GPR158: variants seen among roughly 807,000 people sequenced by gnomAD.
The protein encoded by GPR158 is metabotropic glycine receptor.
In GPR158, 30 loss-of-function variants were observed where a neutral mutation model predicts 78.2. The observed-to-expected ratio is 0.38, with a 90% CI of 0.29 to 0.52. GPR158 has a LOEUF of 0.52. Ranked by LOEUF, GPR158 falls within the 20% of genes least tolerant of loss-of-function variation. GPR158 has a pLI of 0.83. For synonymous variants in GPR158, 581 were observed against 591.1 expected (o/e 0.98, Z 0.25); for missense variants, 1,463 against 1,523.5 (o/e 0.96, Z 0.66).
intron 7 of GPR158, among the ~76,000 whole-genome samples, chr10:25,574,976 A>G (rs186966563): frequency 3.3e-5 from 5 of 151,944 alleles, no homozygotes; most frequent in Admixed American, 1.3e-4. Context: ...CTGAGGTGTG[A>G]GAATTGCTTG....
At chr10:25,231,644 G>C (rs919407396) in intron 2 of GPR158, among the ~76,000 whole-genome samples, 2 of 152,086 alleles carry the variant, frequency 1.3e-5, no homozygotes, top group Admixed American at 1.3e-4. Flanking sequence ...CGTTATCTGG[G>C]CATCAATTAA....
chr10:25,362,026 T>G (rs950934801), intron 2 of GPR158, among the ~76,000 whole-genome samples: 1 of 151,902 alleles, frequency 6.6e-6, no homozygotes, highest in African/African-American at 2.4e-5. Flanking sequence ...AGCTTTTGGT[T>G]TCCTGTTAAA....
At chr10:25,202,268 A>G (rs1035215651) in intron 1 of GPR158, among the ~76,000 whole-genome samples, 2 of 151,554 alleles carry the variant, frequency 1.3e-5, no homozygotes, top group African/African-American at 2.4e-5. Context: ...ATTTTTTTTT[A>G]TACTTTAAGT....
chr10:25,477,360 C>A (rs542828690), intron 5 of GPR158, among the ~76,000 whole-genome samples: 137 of 152,232 alleles, frequency 9.0e-4, no homozygotes, highest in African/African-American at 3.2e-3. Flanking sequence ...AGCAAGAACC[C>A]CTTTAGGCTG....
rs1852761797 is a variant in GPR158 at position 25,190,754 on chromosome 10, C to T, written c.902+14432C>T. 2.0e-5 allele frequency among the ~76,000 whole-genome samples: 3 copies of T among 152,136 alleles called. No individual in the cohort carries two copies. The South Asian group carries it at 6.2e-4, about 32-fold the overall frequency. ...TAAGAAAACAAAAACAAACAGTGAC[C>T]ACATGATAAAAAAGAATGTTTAAGC... On this transcript the variant is annotated intron_variant, in intron 1 of 10. Coordinates refer to ENST00000376351, the MANE Select transcript of GPR158 (RefSeq NM_020752.3).
In GPR158 at chr10:25,400,795, TG is replaced by T. The variant is rs545991358; in HGVS notation, c.1111+4784del. Among the ~76,000 whole-genome samples, 30 of 152,308 alleles carry T rather than the reference TG, an allele frequency of 2.0e-4. No homozygotes were observed. In the East Asian group the frequency reaches 5.8e-3, roughly 29 times the overall value. On this transcript the variant is annotated intron_variant, in intron 3 of 10. Coordinates refer to ENST00000376351, the MANE Select transcript of GPR158 (RefSeq NM_020752.3). ...TTTCATTCTTATTTCTTTGGCCTTT[TG>T]GATTGACTTCAGCCTGTGTACATTT... is the stretch of plus-strand genomic sequence containing the variant.
At chr10:25,453,546 T>A (rs1424543973) in intron 4 of GPR158, among the ~76,000 whole-genome samples, 1 of 152,212 alleles carries the variant, frequency 6.6e-6, no homozygotes, top group Admixed American at 6.5e-5. Flanking sequence ...TGTTTTCTTT[T>A]AAAAAATTAA....
intron 5 of GPR158, among the ~76,000 whole-genome samples, chr10:25,510,057 C>T (rs958700131): frequency 4.6e-5 from 7 of 152,166 alleles, no homozygotes; most frequent in African/African-American, 1.7e-4. Context: ...CCAATAACAT[C>T]ACTTCCAGTA....
At chr10:25,512,045 G>C (rs1456608779) in intron 5 of GPR158, among the ~76,000 whole-genome samples, 1 of 151,802 alleles carries the variant, frequency 6.6e-6, no homozygotes. Flanking sequence ...ATGAATTTTA[G>C]GATTGTTTTT....
Position 25,596,597 on chromosome 10 carries a change from C to T in GPR158, c.1999-46C>T, listed in dbSNP as rs374629063. ...GATATAGATATAGATATATGCAATG[C>T]GTTACAGTGAGCTAATGTCTACTGC... On this transcript the variant is annotated intron_variant, in intron 9 of 10. Transcript: ENST00000376351. 2.4e-4 allele frequency: 359 copies of T among 1,465,382 alleles called. 5 individuals carry two copies. In the South Asian group the frequency reaches 3.1e-3, roughly 13 times the overall value. 90.8% of individuals were successfully genotyped at this position (1,465,382 alleles called of 1,614,324 possible).
intron 2 of GPR158, among the ~76,000 whole-genome samples, chr10:25,226,597 A>G (rs113070207): frequency 2.0e-5 from 3 of 152,328 alleles, no homozygotes; most frequent in African/African-American, 4.8e-5. Flanking sequence ...AGGAGTAAAC[A>G]CTGGTAATCA....
intron 2 of GPR158, among the ~76,000 whole-genome samples, chr10:25,237,907 C>A (rs1487904064): frequency 6.6e-6 from 1 of 151,968 alleles, no homozygotes; most frequent in African/African-American, 2.4e-5. Context: ...CTCTCTATCC[C>A]CTCCTTTTCC....
chr10:25,312,781 C>G (rs1854784173), intron 2 of GPR158, among the ~76,000 whole-genome samples: 1 of 152,068 alleles, frequency 6.6e-6, no homozygotes, highest in South Asian at 2.1e-4. Flanking sequence ...TGATCAAAGG[C>G]TTTCTTAAGT....
At chr10:25,411,933 C>CAAAAAAAAAAAAAA (rs1164005677) in intron 3 of GPR158, among the ~76,000 whole-genome samples, 1 of 47,468 alleles carries the variant, frequency 2.1e-5, no homozygotes, top group African/African-American at 7.6e-5. Context: ...GACTCTATCA[C>CAAAAAAAAAAAAAA]AAAAAAAAAA....
At chr10:25,409,452 C>T (rs1354456557) in intron 3 of GPR158, among the ~76,000 whole-genome samples, 1 of 152,174 alleles carries the variant, frequency 6.6e-6, no homozygotes, top group African/African-American at 2.4e-5. Flanking sequence ...AGGCCTTCTT[C>T]ACTCTCAATA....
At chr10:25,372,463 G>A (rs1834010201) in intron 2 of GPR158, among the ~76,000 whole-genome samples, 1 of 144,194 alleles carries the variant, frequency 6.9e-6, no homozygotes, top group African/African-American at 2.6e-5. Flanking sequence ...CAACCCAAAT[G>A]TCCAACAATG....
intron 2 of GPR158, among the ~76,000 whole-genome samples, chr10:25,278,233 A>G (rs1037841757): frequency 3.3e-5 from 5 of 152,180 alleles, no homozygotes; most frequent in Admixed American, 2.6e-4. Flanking sequence ...TAAGTGAGAC[A>G]TTGTCAAATA....
intron 2 of GPR158, among the ~76,000 whole-genome samples, chr10:25,227,237 T>A (rs1036185459): frequency 1.4e-4 from 21 of 152,232 alleles, no homozygotes; most frequent in African/African-American, 4.1e-4. Flanking sequence ...GTTTTAGATG[T>A]TCCCAGCAAC....
chr10:25,208,610 G>T (rs2130665991), intron 1 of GPR158, among the ~76,000 whole-genome samples: 1 of 146,660 alleles, frequency 6.8e-6, no homozygotes, highest in East Asian at 2.1e-4. Flanking sequence ...GTGTGTATTA[G>T]AATTGAGAAG....
Sources: gnomAD v4.1 joint callset for allele counts (sites outside exome capture counted in the v4.1 genomes callset) on GRCh38, gnomAD v4.1.1 for gene constraint, MANE v1.5 for transcripts, NCBI Gene and HGNC (gene_info 2026-07-23, HGNC 2026-07-21) for gene names.